FNDC3B: variants seen among roughly 807,000 people sequenced by gnomAD.
FNDC3B encodes fibronectin type III domain containing 3B.
In FNDC3B, 12 loss-of-function variants were observed where a neutral mutation model predicts 151.5. The ratio of observed to expected loss-of-function variants is 0.08; its 90% CI spans 0.05 to 0.13. FNDC3B has a LOEUF of 0.13. FNDC3B is among the 10% of genes least tolerant of loss of function. The pLI, the probability that FNDC3B is intolerant of heterozygous loss-of-function variation, is 1.00. For synonymous variants in FNDC3B, 528 were observed against 549.0 expected (o/e 0.96, Z 0.54); for missense variants, 1,214 against 1,505.3 (o/e 0.81, Z 3.20).
chr3:172,050,299 T>TAC (rs1213757443), intron 1 of FNDC3B, among the ~76,000 whole-genome samples: 1 of 152,220 alleles, frequency 6.6e-6, no homozygotes, highest in African/African-American at 2.4e-5. Context: ...CACAAAATGT[T>TAC]TACCATTCAT....
chr3:172,363,414 A>T lies in FNDC3B; in HGVS notation c.3008+569A>T, dbSNP rs185493180. Among the ~76,000 whole-genome samples the T allele has an allele frequency of 1.4e-4, 22 of 152,234 alleles. No individual in the cohort carries two copies. In the East Asian group the frequency reaches 4.2e-3, roughly 29 times the overall value. On this transcript the variant is annotated intron_variant, in intron 23 of 25. Coordinates refer to ENST00000415807, the MANE Select transcript of FNDC3B (RefSeq NM_022763.4). Reference sequence around the variant, plus strand: ...AATCAAATGTAGCCTTTCACGTAGTATTTGTTTAACCTAACTTCATTTCCT... The same window carrying T: ...AATCAAATGTAGCCTTTCACGTAGTTTTTGTTTAACCTAACTTCATTTCCT...
intron 3 of FNDC3B, among the ~76,000 whole-genome samples, chr3:172,215,819 G>C (rs1239182640): frequency 6.6e-6 from 1 of 152,142 alleles, no homozygotes; most frequent in Non-Finnish European, 1.5e-5. Flanking sequence ...TACAAAATGA[G>C]TAAACTTTAA....
intron 6 of FNDC3B, among the ~76,000 whole-genome samples, chr3:172,260,862 G>T (rs1728611230): frequency 6.6e-6 from 1 of 152,084 alleles, no homozygotes; most frequent in Non-Finnish European, 1.5e-5. Flanking sequence ...CACAGAATGG[G>T]GTCTGACAGG....
chr3:172,232,814 G>A (rs1039296019), intron 4 of FNDC3B, among the ~76,000 whole-genome samples: 1 of 152,186 alleles, frequency 6.6e-6, no homozygotes, highest in Non-Finnish European at 1.5e-5. Flanking sequence ...GCTACTTTCT[G>A]TGTAACTTTG....
At position 172,194,088 on chromosome 3, in the gene FNDC3B, C is replaced by T. The variant is rs559826781; in HGVS notation, c.188-32783C>T. 7.6e-4 allele frequency among the ~76,000 whole-genome samples: 116 copies of T among 152,110 alleles called. 1 individual carries two copies. The South Asian group carries it at 0.012, about 16-fold the overall frequency. On this transcript the variant is annotated intron_variant, in intron 3 of 25. Coordinates refer to ENST00000415807, the MANE Select transcript of FNDC3B (RefSeq NM_022763.4). ...ACAAAAAATTAGCTGGGCGAGGTGGCGGGCGCCTGTAGTCCCAGCTACTTG... is the reference window on the plus strand; with the variant it reads ...ACAAAAAATTAGCTGGGCGAGGTGGTGGGCGCCTGTAGTCCCAGCTACTTG...
intron 3 of FNDC3B, among the ~76,000 whole-genome samples, chr3:172,218,124 C>T (rs1052029925): frequency 1.8e-5 from 2 of 110,486 alleles, no homozygotes; most frequent in Admixed American, 2.6e-4. Context: ...CGGAGAAGAT[C>T]GACTTTCAGG....
chr3:172,281,252 T>C (rs1452239013), intron 6 of FNDC3B, among the ~76,000 whole-genome samples: 1 of 133,618 alleles, frequency 7.5e-6, no homozygotes, highest in Non-Finnish European at 1.6e-5. Flanking sequence ...TTTATTTATT[T>C]ATTTATATTT....
intron 11 of FNDC3B, among the ~76,000 whole-genome samples, chr3:172,311,856 C>T (rs1235267133): frequency 5.4e-5 from 8 of 148,950 alleles, no homozygotes; most frequent in South Asian, 4.3e-4. Flanking sequence ...CTAGCCTGGG[C>T]GACAGAGCAA....
chr3:172,108,477 A>C (rs1719788207), intron 1 of FNDC3B, among the ~76,000 whole-genome samples: 1 of 152,222 alleles, frequency 6.6e-6, no homozygotes, highest in Non-Finnish European at 1.5e-5. Flanking sequence ...GTCGGCTTTC[A>C]TCAGGTAGGT....
At chr3:172,131,631 C>T (rs1300204817) in intron 2 of FNDC3B, among the ~76,000 whole-genome samples, 1 of 152,102 alleles carries the variant, frequency 6.6e-6, no homozygotes, top group African/African-American at 2.4e-5. Flanking sequence ...CTGAATGATC[C>T]TGTTTTTTCC....
intron 1 of FNDC3B, among the ~76,000 whole-genome samples, chr3:172,052,109 G>A (rs1716683557): frequency 6.7e-6 from 1 of 149,980 alleles, no homozygotes; most frequent in South Asian, 2.1e-4. Context: ...TTTTGAGACA[G>A]GGTCTGGCTC....
At chr3:172,348,460 C>G (rs1733708352) in intron 21 of FNDC3B, among the ~76,000 whole-genome samples, 1 of 152,138 alleles carries the variant, frequency 6.6e-6, no homozygotes, top group South Asian at 2.1e-4. Flanking sequence ...GAGTCAGTGT[C>G]ACAGCAAATT....
intron 5 of FNDC3B, among the ~76,000 whole-genome samples, chr3:172,248,225 G>C (rs1054680536): frequency 3.9e-5 from 6 of 152,192 alleles, no homozygotes; most frequent in Non-Finnish European, 1.5e-5. Context: ...AGATTGTGAA[G>C]TCTCAAGAAC....
chr3:172,392,975 G>C (rs566628), intron 25 of FNDC3B, among the ~76,000 whole-genome samples: 87,439 of 151,378 alleles, frequency 0.58, 28,135 homozygotes, highest in Non-Finnish European at 0.75. Context: ...GCTAATTTTT[G>C]TATTTTTAGT....
At chr3:172,153,249 C>A (rs1333315476) in intron 3 of FNDC3B, among the ~76,000 whole-genome samples, 1 of 152,162 alleles carries the variant, frequency 6.6e-6, no homozygotes, top group Admixed American at 6.5e-5. Context: ...AACTCTAGAG[C>A]TGGGAATATC....
At chr3:172,123,527 T>C (rs1720658975) in intron 2 of FNDC3B, among the ~76,000 whole-genome samples, 1 of 152,224 alleles carries the variant, frequency 6.6e-6, no homozygotes. Flanking sequence ...CTTTGGTCTT[T>C]ATATTGGAGT....
chr3:172,171,354 C>CA (rs1723272757), intron 3 of FNDC3B, among the ~76,000 whole-genome samples: 1 of 152,106 alleles, frequency 6.6e-6, no homozygotes, highest in South Asian at 2.1e-4. Context: ...TCTTATTTAG[C>CA]AAAAAATACC....
At chr3:172,345,863 T>A (rs1733589738) in intron 19 of FNDC3B, 1 of 152,490 alleles carries the variant, frequency 6.6e-6, no homozygotes, top group African/African-American at 2.4e-5. Flanking sequence ...ACAGAAGCAT[T>A]TATTTTCAAA....
intron 2 of FNDC3B, among the ~76,000 whole-genome samples, chr3:172,131,381 G>A (rs1371037407): frequency 6.2e-5 from 9 of 146,290 alleles, no homozygotes; most frequent in East Asian, 2.0e-4. Flanking sequence ...CAACAAGAGC[G>A]AAACTCCGTC....
Sources: gnomAD v4.1 joint callset for allele counts (sites outside exome capture counted in the v4.1 genomes callset) on GRCh38, gnomAD v4.1.1 for gene constraint, MANE v1.5 for transcripts, NCBI Gene and HGNC (gene_info 2026-07-23, HGNC 2026-07-21) for gene names.